The following DHX57 variants were observed in gnomAD, a reference collection of about 807,000 sequenced individuals.
The protein encoded by DHX57 is putative ATP-dependent RNA helicase DHX57.
Under a neutral mutation model 156.2 loss-of-function variants are expected in DHX57, and 105 were observed. That is an observed-to-expected ratio of 0.67 (90% CI 0.57 to 0.79). DHX57 has a LOEUF of 0.79. Ranked by LOEUF, DHX57 falls within the 30% of genes least tolerant of loss-of-function variation. The pLI is 0.00. For missense variants in DHX57, 1,847 were observed against 1,661.9 expected (o/e 1.11, Z -1.94); for synonymous variants, 704 against 595.6 (o/e 1.18, Z -2.65).
chr2:38,799,151 G>T (rs536214197), intron 23 of DHX57, among the ~76,000 whole-genome samples: 10 of 151,834 alleles, frequency 6.6e-5, no homozygotes, highest in Non-Finnish European at 1.5e-4. Flanking sequence ...ATCACCTGAG[G>T]TCAGGGGTTC....
At chr2:38,826,763 A>G (rs1460894612) in intron 14 of DHX57, 74 bp from the exon 15 acceptor site, 11 of 1,484,320 alleles carry the variant, frequency 7.4e-6, no homozygotes, top group African/African-American at 2.8e-5. Context: ...GTGAATTTCT[A>G]CTAAAACCAA....
rs1669758224 is a variant in DHX57 at position 38,802,887 on chromosome 2, A to C, written c.3845T>G (p.Leu1282Trp). ...QVRHFDSPYL[L>W]YHEKIKTSRV... ...ACTAGTTTTTATCTTCTCGTGGTAC[A>C]ACAGGTAGGGGCTGTCAAAGTGTCT... The change falls in exon 23 of 24, where the codon TTG becomes TGG. Residue 1282 changes from leucine to tryptophan, a missense_variant. Coordinates refer to ENST00000457308, the MANE Select transcript of DHX57 (RefSeq NM_198963.3). The C allele has an allele frequency of 6.2e-7, 1 of 1,614,042 alleles. No homozygotes were observed.
chr2:38,833,292 G>A (rs1239473912), intron 13 of DHX57, among the ~76,000 whole-genome samples: 3 of 151,862 alleles, frequency 2.0e-5, no homozygotes, highest in Admixed American at 6.6e-5. Context: ...ACAGGTACCC[G>A]CCACCATGCC....
intron 1 of DHX57, among the ~76,000 whole-genome samples, chr2:38,870,320 T>G (rs1665294198): frequency 6.6e-6 from 1 of 152,292 alleles, no homozygotes; most frequent in South Asian, 2.1e-4. Context: ...GGTAGAAAAC[T>G]TCTCTGATTC....
At position 38,813,811 on chromosome 2, in the gene DHX57, G is replaced by A. The variant is rs754122218; in HGVS notation, c.3681+10C>T. The A allele has an allele frequency of 3.7e-6, 6 of 1,613,182 alleles. No homozygotes were observed. In the Admixed American group the frequency reaches 5.0e-5, roughly 13 times the overall value. ...AAAAATGGAAAGATCTAGGAAAAAT[G>A]TTTTGTTACCTGCACTACATTTGGA... On this transcript the variant is annotated intron_variant, in intron 21 of 23. Coordinates refer to ENST00000457308, the MANE Select transcript of DHX57 (RefSeq NM_198963.3).
Position 38,828,419 on chromosome 2 carries a change from A to G in DHX57, c.2560T>C (p.Leu854=). The G allele has an allele frequency of 6.2e-7, 1 of 1,613,184 alleles. No individual in the cohort carries two copies. Among genetic ancestry groups the G allele is most frequent in the Non-Finnish European group, 8.5e-7 (1 of 1,179,490 alleles). Residue 854 remains leucine, a synonymous_variant, in exon 14 of 24, where the codon TTA becomes CTA. Coordinates refer to ENST00000457308, the MANE Select transcript of DHX57 (RefSeq NM_198963.3). ...SYPPGAILVF[L]PGLAEIKMLY... ...ATTTTGATTTCTGCTAGTCCTGGTA[A>G]AAATACAAGTATAGCACCTGGGTAT...
chr2:38,820,595 C>CT (rs1228836809), intron 17 of DHX57, among the ~76,000 whole-genome samples: 1 of 152,006 alleles, frequency 6.6e-6, no homozygotes, highest in African/African-American at 2.4e-5. Flanking sequence ...TTTATCATTT[C>CT]TTTTTTTCTT....
At chr2:38,854,482 A>G (rs1047311485) in intron 8 of DHX57, 10 of 186,414 alleles carry the variant, frequency 5.4e-5, no homozygotes, top group Non-Finnish European at 8.8e-5. Flanking sequence ...AGAGCAAAAC[A>G]GTCTTTACTA....
At position 38,863,483 on chromosome 2, in the gene DHX57, G is replaced by A; in HGVS notation, c.261C>T (p.Arg87=). Residue 87 remains arginine, a synonymous_variant, in exon 3 of 24, where the codon CGC becomes CGT. Coordinates refer to ENST00000457308, the MANE Select transcript of DHX57 (RefSeq NM_198963.3). The part of the protein sequence containing the change: ...SNSNISKGES[R]PKWKPKAKVP... ...CTTTGGCTTTGGGTTTCCATTTTGGGCGTGACTCTCCTTTGCTTATGTTAC... is the reference window on the plus strand; with the variant it reads ...CTTTGGCTTTGGGTTTCCATTTTGGACGTGACTCTCCTTTGCTTATGTTAC... 6.2e-7 allele frequency: 1 copy of A among 1,613,978 alleles called. No homozygotes were observed. Among genetic ancestry groups the A allele is most frequent in the Middle Eastern group, 1.7e-4 (1 of 6,060 alleles).
rs1358881328 is a variant in DHX57, at chr2:38,854,046, T to C, written c.2030+8A>G. The C allele has an allele frequency of 1.2e-6, 2 of 1,600,168 alleles. No homozygotes were observed. The highest frequency in any genetic ancestry group is 4.5e-5 in the East Asian group (2 of 44,570). On this transcript the variant is annotated splice_region_variant and intron_variant, in intron 9 of 23. Coordinates refer to ENST00000457308, the MANE Select transcript of DHX57 (RefSeq NM_198963.3). ...AGTGTGTGTTCCCTGGGAAAGTCTT[T>C]GTTTTACCTTTCTTCTGTCCTCTCA... is the stretch of plus-strand genomic sequence containing the variant.
chr2:38,808,376 CAT>C (rs1308916482), intron 21 of DHX57, among the ~76,000 whole-genome samples: 3 of 151,922 alleles, frequency 2.0e-5, no homozygotes, highest in African/African-American at 4.8e-5. Context: ...TGAAAATAAA[CAT>C]GTCTTGAAAC....
At chr2:38,854,703 A>G (rs769006762) in intron 8 of DHX57, 74 of 201,546 alleles carry the variant, frequency 3.7e-4, no homozygotes, top group East Asian at 1.4e-4. Flanking sequence ...CTGGGATTAC[A>G]GGCGTGTGCC....
Position 38,802,823 on chromosome 2 carries a change from G to A in DHX57, c.3909C>T (p.Tyr1303=). 1 of 1,614,070 alleles carries A rather than the reference G, an allele frequency of 6.2e-7. No individual in the cohort carries two copies. Among genetic ancestry groups the A allele is most frequent in the Non-Finnish European group, 8.5e-7 (1 of 1,180,002 alleles). Residue 1303 remains tyrosine (Y), a synonymous_variant, in exon 23 of 24, where the codon TAC becomes TAT. Transcript: ENST00000457308. ...GGCCTCCTCCAAACAAGACCAGCGG[G>A]TACACAGACACCATGCTGCAGTCTC... The part of the protein sequence containing the change: ...FIRDCSMVSV[Y]PLVLFGGGQV...
chr2:38,819,941 A>G (rs1213618329), intron 17 of DHX57, among the ~76,000 whole-genome samples: 2 of 152,198 alleles, frequency 1.3e-5, no homozygotes, highest in South Asian at 2.1e-4. Flanking sequence ...TCAGCAGGGA[A>G]GTTAATTTTC....
chr2:38,811,042 C>G, intron 21 of DHX57: 2 of 664,242 alleles, frequency 3.0e-6, no homozygotes, highest in East Asian at 6.4e-5. Flanking sequence ...TGGCCAGGTC[C>G]TGAATCTTCA....
chr2:38,844,218 T>C (rs1272123370), intron 11 of DHX57, among the ~76,000 whole-genome samples: 3 of 152,048 alleles, frequency 2.0e-5, no homozygotes, highest in Non-Finnish European at 4.4e-5. Flanking sequence ...TATAGAAAAA[T>C]AAGTATACTT....
At chr2:38,862,863 G>C (rs1455389273) in intron 3 of DHX57, 2 of 156,152 alleles carry the variant, frequency 1.3e-5, no homozygotes, top group African/African-American at 4.8e-5. Context: ...TTCATGACTG[G>C]CCACTAATTA....
intron 16 of DHX57, among the ~76,000 whole-genome samples, chr2:38,824,884 G>A (rs1671014214): frequency 6.6e-6 from 1 of 152,050 alleles, no homozygotes; most frequent in African/African-American, 2.4e-5. Context: ...CTTGACCTCA[G>A]GTGATCTGCC....
chr2:38,821,684 C>A (rs1466714520), intron 17 of DHX57, among the ~76,000 whole-genome samples: 1 of 152,080 alleles, frequency 6.6e-6, no homozygotes, highest in East Asian at 1.9e-4. Context: ...CAGAGCGAGA[C>A]CCCATCTCAA....
Sources: allele counts gnomAD v4.1 joint callset (sites outside exome capture counted in the v4.1 genomes callset), GRCh38; gene constraint gnomAD v4.1.1; transcripts MANE v1.5; gene names NCBI Gene and HGNC (gene_info 2026-07-23, HGNC 2026-07-21).